KCNN1: variants seen among roughly 807,000 people sequenced by gnomAD.
KCNN1 encodes potassium calcium-activated channel subfamily N member 1, also known as small conductance calcium-activated potassium channel protein 1.
A neutral mutation model predicts 44.7 loss-of-function variants in KCNN1; 20 were observed. The observed-to-expected ratio is 0.45, with a 90% CI of 0.32 to 0.65. The LOEUF is 0.65. KCNN1 is among the 30% of genes least tolerant of loss of function. The pLI is 0.05. For synonymous variants in KCNN1, 324 were observed against 341.7 expected, an observed-to-expected ratio of 0.95 and a Z score of 0.57; for missense variants, 632 against 785.3, an observed-to-expected ratio of 0.80 and a Z score of 2.33.
At chr19:17,952,750 G>C (rs2031445090) in intron 1 of KCNN1, among the ~76,000 whole-genome samples, 1 of 152,094 alleles carries the variant, frequency 6.6e-6, no homozygotes, top group Non-Finnish European at 1.5e-5. Flanking sequence ...CCCTGTGCTG[G>C]CCAGGCTGCG....
chr19:17,992,531 G>T (rs2032829954), intron 7 of KCNN1, among the ~76,000 whole-genome samples: 1 of 152,228 alleles, frequency 6.6e-6, no homozygotes, highest in Non-Finnish European at 1.5e-5. Flanking sequence ...AACCGGGGAA[G>T]TGGAGGTTGC....
At chr19:17,988,653 A>G in intron 6 of KCNN1, 128 bp downstream of exon 6, 1 of 743,694 alleles carries the variant, frequency 1.3e-6, no homozygotes, top group Non-Finnish European at 2.3e-6. Flanking sequence ...CCCCGTGTCA[A>G]GACTGTGCTG....
At chr19:17,969,597 G>A (rs1191138235) in intron 1 of KCNN1, among the ~76,000 whole-genome samples, 3 of 152,160 alleles carry the variant, frequency 2.0e-5, no homozygotes, top group African/African-American at 4.8e-5. Flanking sequence ...GCTGCCAGGC[G>A]AGGAGGAACA....
At chr19:17,967,763 A>T (rs1157652561) in intron 1 of KCNN1, among the ~76,000 whole-genome samples, 1 of 151,890 alleles carries the variant, frequency 6.6e-6, no homozygotes, top group Non-Finnish European at 1.5e-5. Context: ...GAAGTCCCGG[A>T]CCCAGCTCGG....
At chr19:17,994,719 CT>C in intron 9 of KCNN1, among the ~76,000 whole-genome samples, 1 of 152,118 alleles carries the variant, frequency 6.6e-6, no homozygotes, top group Non-Finnish European at 1.5e-5. Flanking sequence ...AATTTTTGTA[CT>C]TTTAGTAGAG....
At chr19:17,995,987 G>A (rs1194808001) in intron 9 of KCNN1, among the ~76,000 whole-genome samples, 1 of 151,982 alleles carries the variant, frequency 6.6e-6, no homozygotes, top group Non-Finnish European at 1.5e-5. Context: ...TATATTTTGT[G>A]TATATATACT....
chr19:17,980,463 C>G (rs1161279197), intron 3 of KCNN1, among the ~76,000 whole-genome samples: 1 of 151,880 alleles, frequency 6.6e-6, no homozygotes, highest in African/African-American at 2.4e-5. Context: ...GTTTTAGTTT[C>G]TCTTGAGTCT....
intron 7 of KCNN1, among the ~76,000 whole-genome samples, chr19:17,990,953 G>C (rs1325259759): frequency 6.6e-6 from 1 of 152,094 alleles, no homozygotes; most frequent in African/African-American, 2.4e-5. Flanking sequence ...AAAATCCCAA[G>C]AGCCACATCC....
At chr19:17,986,832 A>C (rs1354077552) in intron 5 of KCNN1, among the ~76,000 whole-genome samples, 1 of 150,750 alleles carries the variant, frequency 6.6e-6, no homozygotes, top group East Asian at 2.0e-4. Context: ...ATTGAGATGG[A>C]GTCTCACTCT....
chr19:17,958,047 C>A (rs1300896012), intron 2 of KCNN1, among the ~76,000 whole-genome samples: 1 of 151,990 alleles, frequency 6.6e-6, no homozygotes, highest in Non-Finnish European at 1.5e-5. Flanking sequence ...CTTGGGGAAA[C>A]CTGGGAAGGC....
chr19:17,992,328 A>G (rs2032822344), intron 7 of KCNN1, among the ~76,000 whole-genome samples: 2 of 151,654 alleles, frequency 1.3e-5, no homozygotes, highest in South Asian at 4.2e-4. Flanking sequence ...GAGTGCCAGC[A>G]GGTGCAGTGG....
chr19:17,995,586 ACTT>A (rs1024901911), intron 9 of KCNN1, among the ~76,000 whole-genome samples: 1 of 151,336 alleles, frequency 6.6e-6, no homozygotes, highest in African/African-American at 2.4e-5. Context: ...TTCCCATATA[ACTT>A]CTTTTTTTCT....
chr19:17,955,312 G>A lies in KCNN1; in HGVS notation c.-82+631G>A, dbSNP rs142419035. Reference sequence around the variant, plus strand: ...GTGGTGGCTTACGCTTGTAATCCCAGCACTTTGGGAGGCCAAGGCAGGCAG... The same window carrying A: ...GTGGTGGCTTACGCTTGTAATCCCAACACTTTGGGAGGCCAAGGCAGGCAG... On this transcript the variant is annotated intron_variant, in intron 2 of 10. Transcript: ENST00000222249. Among the ~76,000 whole-genome samples the A allele has an allele frequency of 2.5e-3, 371 of 150,700 alleles. 5 individuals are homozygous for A. In the East Asian group the frequency reaches 0.035, roughly 14 times the overall value.
At chr19:17,970,481 C>T (rs1385560878) in intron 1 of KCNN1, among the ~76,000 whole-genome samples, 2 of 151,576 alleles carry the variant, frequency 1.3e-5, no homozygotes, top group African/African-American at 4.8e-5. Context: ...CCACGCCCGG[C>T]TAATTTTGTA....
rs965667833 is a variant in KCNN1, at chr19:17,974,636, A to G, written c.402+346A>G. On this transcript the variant is annotated intron_variant, in intron 2 of 9. Coordinates refer to ENST00000684775, the MANE Select transcript of KCNN1 (RefSeq NM_001386974.1). This position sits in a 1 kb window ranked among gnomAD's most constrained non-coding sequence, Gnocchi z 7.3. Reference sequence around the variant, plus strand: ...TCCCCTTCCGAGAGTGAGTGCGTCCAGGTTACAAGCCTGGCTGTGGGTTCC... The same window carrying G: ...TCCCCTTCCGAGAGTGAGTGCGTCCGGGTTACAAGCCTGGCTGTGGGTTCC... Among the ~76,000 whole-genome samples, 2 of 152,168 alleles carry G rather than the reference A, an allele frequency of 1.3e-5. No individual in the cohort carries two copies. Among genetic ancestry groups the G allele is most frequent in the African/African-American group, 4.8e-5 (2 of 41,434 alleles).
In KCNN1 at chr19:17,974,091, A is replaced by C; in HGVS notation, c.203A>C (p.Asp68Ala). 1 of 1,611,950 alleles carries C rather than the reference A, an allele frequency of 6.2e-7. No individual in the cohort carries two copies. The highest frequency in any genetic ancestry group is 8.5e-7 in the Non-Finnish European group (1 of 1,179,782). Residue 68 changes from aspartate (D) to alanine (A), a missense_variant, in exon 2 of 10, where the codon GAT becomes GCT. Transcript: ENST00000684775. The surrounding 1 kb of genome is among the most constrained non-coding windows in gnomAD (Gnocchi z 7.3). ...CGGGGGCAGCCCCAGGACCAGGACG[A>C]TGACGAGGATGATGAGGAAGATGAG... ...SPRGQPQDQD[D>A]DEDDEEDEAG...
At chr19:17,984,884 G>T (rs1568456681) in intron 4 of KCNN1, among the ~76,000 whole-genome samples, 1 of 152,178 alleles carries the variant, frequency 6.6e-6, no homozygotes, top group East Asian at 1.9e-4. Context: ...CGAGCCCCAG[G>T]TGGTGATCCT....
At chr19:17,969,463 C>A (rs1367483979) in intron 1 of KCNN1, among the ~76,000 whole-genome samples, 1 of 152,144 alleles carries the variant, frequency 6.6e-6, no homozygotes, top group Non-Finnish European at 1.5e-5. Flanking sequence ...AGAGCCCGGT[C>A]CACAGTAATG....
At position 17,983,923 on chromosome 19, in the gene KCNN1, C is replaced by G. The variant is rs970490189; in HGVS notation, c.918-1389C>G. Among the ~76,000 whole-genome samples the G allele has an allele frequency of 6.6e-6, 1 of 151,542 alleles. No individual in the cohort carries two copies. Among genetic ancestry groups the G allele is most frequent in the Non-Finnish European group, 1.5e-5 (1 of 67,900 alleles). On this transcript the variant is annotated intron_variant, in intron 4 of 9. Transcript: ENST00000684775. The surrounding 1 kb of genome is among the most constrained non-coding windows in gnomAD (Gnocchi z 4.5). Reference sequence around the variant, plus strand: ...CTGTAATCCCAGCACTTTGGGAGGCCGAGGCGGGTGGATTACCAGGTCAGG... The same window carrying G: ...CTGTAATCCCAGCACTTTGGGAGGCGGAGGCGGGTGGATTACCAGGTCAGG...
Sources: gnomAD v4.1 joint callset for allele counts (sites outside exome capture counted in the v4.1 genomes callset) on GRCh38, gnomAD v4.1.1 for gene constraint, Gnocchi (gnomAD v3.1) non-coding constraint, MANE v1.5 for transcripts, NCBI Gene and HGNC (gene_info 2026-07-23, HGNC 2026-07-21) for gene names.